Variants in B3GALT1 observed in about 807,000 individuals in gnomAD.
B3GALT1 encodes the protein beta-1,3-galactosyltransferase 1.
In B3GALT1, 10 loss-of-function variants were observed where a neutral mutation model predicts 23.2. The ratio of observed to expected loss-of-function variants is 0.43; its 90% CI spans 0.27 to 0.73. The LOEUF (loss-of-function observed/expected upper bound fraction) is 0.73, where lower values mean the gene tolerates loss of function less well. Ranked by LOEUF, B3GALT1 falls within the 30% of genes least tolerant of loss-of-function variation. The pLI is 0.21. For synonymous variants in B3GALT1, 156 were observed against 141.5 expected (o/e 1.10, Z -0.73); for missense variants, 299 against 405.4 (o/e 0.74, Z 2.25).
At chr2:167,671,496 A>G (rs147362080) in intron 3 of B3GALT1, among the ~76,000 whole-genome samples, 6 of 152,316 alleles carry the variant, frequency 3.9e-5, no homozygotes, top group Admixed American at 2.0e-4. Context: ...AAGACAAATC[A>G]ATAAGAGAAA....
At chr2:167,320,112 G>A (rs575357796) in intron 1 of B3GALT1, among the ~76,000 whole-genome samples, 11 of 151,206 alleles carry the variant, frequency 7.3e-5, no homozygotes, top group Non-Finnish European at 1.0e-4. Context: ...CAGTTAAGTC[G>A]AAGAATACTG....
chr2:167,649,365 A>C (rs1685818172), intron 3 of B3GALT1, among the ~76,000 whole-genome samples: 1 of 152,080 alleles, frequency 6.6e-6, no homozygotes, highest in Non-Finnish European at 1.5e-5. Flanking sequence ...CATTTAGTAC[A>C]TTCACAATGG....
chr2:167,860,294 T>A (rs1690073203), intron 4 of B3GALT1, among the ~76,000 whole-genome samples: 1 of 152,186 alleles, frequency 6.6e-6, no homozygotes, highest in African/African-American at 2.4e-5. Context: ...CTTTTCAATA[T>A]CATGATGTAC....
chr2:167,791,167 T>A (rs1005370715), intron 3 of B3GALT1, among the ~76,000 whole-genome samples: 13 of 152,146 alleles, frequency 8.5e-5, no homozygotes, highest in African/African-American at 3.1e-4. Flanking sequence ...ATAGGCATTA[T>A]CATCACCCCC....
At chr2:167,662,077 A>C (rs2105473405) in intron 3 of B3GALT1, among the ~76,000 whole-genome samples, 1 of 150,780 alleles carries the variant, frequency 6.6e-6, no homozygotes, top group African/African-American at 2.5e-5. Context: ...GAGATGTTAA[A>C]AAAAAAAAAG....
intron 1 of B3GALT1, among the ~76,000 whole-genome samples, chr2:167,383,994 T>C (rs564117275): frequency 1.2e-4 from 19 of 152,334 alleles, no homozygotes; most frequent in Non-Finnish European, 2.5e-4. Context: ...AAATGCAAAC[T>C]ATTTGCACAT....
rs147658028 is a variant in B3GALT1 at position 167,609,314 on chromosome 2, G to A, written c.-409-37595G>A. Among the ~76,000 whole-genome samples, 502 of 152,264 alleles carry A rather than the reference G, an allele frequency of 3.3e-3. 4 individuals carry two copies. The highest frequency in any genetic ancestry group is 7.9e-3 in the South Asian group (38 of 4,822). On this transcript the variant is annotated intron_variant, in intron 2 of 4. Coordinates refer to ENST00000392690, the MANE Select transcript of B3GALT1 (RefSeq NM_020981.4). ...AACTGGGGACAGTCTTTACCCATGT[G>A]ACCACTTTACTGTTCCAACCAGTAA... is the stretch of plus-strand genomic sequence containing the variant.
intron 2 of B3GALT1, among the ~76,000 whole-genome samples, chr2:167,627,289 A>G (rs1175415421): frequency 6.6e-6 from 1 of 151,690 alleles, no homozygotes; most frequent in African/African-American, 2.4e-5. Context: ...ATTACACTGA[A>G]AAGTTTTCTT....
chr2:167,392,632 G>A (rs2105283542), intron 1 of B3GALT1, among the ~76,000 whole-genome samples: 1 of 152,174 alleles, frequency 6.6e-6, no homozygotes, highest in South Asian at 2.1e-4. Flanking sequence ...TTTAAATCAA[G>A]TAAAAATAAT....
intron 1 of B3GALT1, among the ~76,000 whole-genome samples, chr2:167,340,250 G>T (rs576691673): frequency 6.9e-6 from 1 of 145,132 alleles, no homozygotes; most frequent in East Asian, 2.2e-4. Context: ...AAATCTGAAC[G>T]TATTTAGAGG....
chr2:167,774,077 T>G (rs1688117833), intron 3 of B3GALT1, among the ~76,000 whole-genome samples: 1 of 152,220 alleles, frequency 6.6e-6, no homozygotes, highest in South Asian at 2.1e-4. Context: ...TAAAGCACGT[T>G]TTTTCATAAC....
At chr2:167,366,340 T>C (rs1697583830) in intron 1 of B3GALT1, among the ~76,000 whole-genome samples, 1 of 152,180 alleles carries the variant, frequency 6.6e-6, no homozygotes, top group South Asian at 2.1e-4. Flanking sequence ...AAGGGAAATA[T>C]GCTAACAGTG....
At chr2:167,458,359 G>C (rs971821707) in intron 1 of B3GALT1, among the ~76,000 whole-genome samples, 1 of 152,102 alleles carries the variant, frequency 6.6e-6, no homozygotes, top group African/African-American at 2.4e-5. Context: ...ATTCATCCAC[G>C]CTTGGACACT....
intron 2 of B3GALT1, among the ~76,000 whole-genome samples, chr2:167,602,111 G>T (rs1010292165): frequency 1.3e-5 from 2 of 152,130 alleles, no homozygotes; most frequent in Non-Finnish European, 2.9e-5. Context: ...TAGAGTATCT[G>T]CAATTGAGAC....
intron 3 of B3GALT1, among the ~76,000 whole-genome samples, chr2:167,749,840 A>G (rs2105285114): frequency 6.6e-6 from 1 of 152,362 alleles, no homozygotes; most frequent in Admixed American, 6.5e-5. Flanking sequence ...TATGTTTAAT[A>G]AGCTTTGCTG....
intron 1 of B3GALT1, among the ~76,000 whole-genome samples, chr2:167,428,493 G>A (rs1322074936): frequency 6.6e-6 from 1 of 151,824 alleles, no homozygotes; most frequent in Non-Finnish European, 1.5e-5. Flanking sequence ...TGGCCAACAT[G>A]GTGAAACCTC....
chr2:167,835,139 G>A (rs1202646925), intron 4 of B3GALT1, among the ~76,000 whole-genome samples: 8 of 152,182 alleles, frequency 5.3e-5, no homozygotes, highest in Non-Finnish European at 1.0e-4. Flanking sequence ...TTCCATCTGA[G>A]GTACCGGGTT....
intron 3 of B3GALT1, among the ~76,000 whole-genome samples, chr2:167,795,431 A>G (rs2105333399): frequency 6.6e-6 from 1 of 152,308 alleles, no homozygotes; most frequent in Non-Finnish European, 1.5e-5. Flanking sequence ...GGTTAAAGTC[A>G]TCATTGCTTT....
At chr2:167,330,398 A>C (rs904504197) in intron 1 of B3GALT1, among the ~76,000 whole-genome samples, 2 of 152,118 alleles carry the variant, frequency 1.3e-5, no homozygotes, top group Non-Finnish European at 2.9e-5. Context: ...CTTGAGCCCA[A>C]AAGTGTGATA....
Sources: allele counts gnomAD v4.1 joint callset (sites outside exome capture counted in the v4.1 genomes callset), GRCh38; gene constraint gnomAD v4.1.1; transcripts MANE v1.5; gene names NCBI Gene and HGNC (gene_info 2026-07-23, HGNC 2026-07-21).